The following KLHL29 variants were observed in gnomAD, a reference collection of about 807,000 sequenced individuals.
KLHL29 encodes the protein kelch-like protein 29.
KLHL29 carries 21 observed loss-of-function variants against 80.4 expected under a neutral mutation model. That is an observed-to-expected ratio of 0.26 (90% CI 0.19 to 0.38). The LOEUF is 0.38. Ranked by LOEUF, KLHL29 falls within the 10% of genes least tolerant of loss-of-function variation. KLHL29 has a pLI of 1.00. For synonymous variants in KLHL29, 511 were observed against 526.8 expected (o/e 0.97, Z 0.41); for missense variants, 867 against 1,223.9 (o/e 0.71, Z 4.35).
At chr2:23,580,071 C>T (rs1000827581) in intron 3 of KLHL29, among the ~76,000 whole-genome samples, 2 of 152,312 alleles carry the variant, frequency 1.3e-5, no homozygotes, top group South Asian at 2.1e-4. Context: ...AGAAATTCCA[C>T]GTAAAAAATC....
At chr2:23,501,414 C>T (rs900657852) in intron 2 of KLHL29, among the ~76,000 whole-genome samples, 1 of 152,000 alleles carries the variant, frequency 6.6e-6, no homozygotes, top group Non-Finnish European at 1.5e-5. Flanking sequence ...GGGAGATAGC[C>T]GCGGCCGAGA....
intron 5 of KLHL29, among the ~76,000 whole-genome samples, chr2:23,670,887 G>C (rs1484659974): frequency 5.6e-5 from 8 of 143,848 alleles, no homozygotes; most frequent in Non-Finnish European, 1.1e-4. Context: ...AGTGGGCAGA[G>C]AAGGGAGGGG....
At chr2:23,485,847 G>T (rs929541638) in intron 2 of KLHL29, among the ~76,000 whole-genome samples, 1 of 152,140 alleles carries the variant, frequency 6.6e-6, no homozygotes, top group African/African-American at 2.4e-5. Flanking sequence ...ATTTTCTGGT[G>T]GTTGTAAGGA....
chr2:23,638,880 CAAGG>C (rs988328302), intron 3 of KLHL29, among the ~76,000 whole-genome samples: 18 of 152,270 alleles, frequency 1.2e-4, no homozygotes, highest in African/African-American at 4.1e-4. Context: ...CGGAGGGTGA[CAAGG>C]GAGGCACTGG....
chr2:23,558,939 A>AC (rs1667369658), intron 2 of KLHL29, among the ~76,000 whole-genome samples: 3 of 152,210 alleles, frequency 2.0e-5, no homozygotes, highest in Non-Finnish European at 2.9e-5. Flanking sequence ...GAGAATGAGG[A>AC]CCCAAACCCT....
intron 1 of KLHL29, among the ~76,000 whole-genome samples, chr2:23,407,346 A>C (rs1217167662): frequency 2.0e-5 from 3 of 151,954 alleles, no homozygotes; most frequent in Non-Finnish European, 4.4e-5. Flanking sequence ...TCTGTTAGGT[A>C]GGTGAGTAAT....
chr2:23,533,113 G>A (rs1331369085), intron 2 of KLHL29, among the ~76,000 whole-genome samples: 1 of 152,186 alleles, frequency 6.6e-6, no homozygotes, highest in Non-Finnish European at 1.5e-5. Flanking sequence ...TTTTTCCTGA[G>A]CACGTAAAGT....
At chr2:23,552,845 C>T (rs1329610127) in intron 2 of KLHL29, among the ~76,000 whole-genome samples, 1 of 148,036 alleles carries the variant, frequency 6.8e-6, no homozygotes, top group Non-Finnish European at 1.5e-5. Flanking sequence ...CTGCAACCTC[C>T]GCCTCCCAGG....
intron 3 of KLHL29, among the ~76,000 whole-genome samples, chr2:23,611,135 T>C (rs1196863945): frequency 6.6e-6 from 1 of 152,214 alleles, no homozygotes; most frequent in Admixed American, 6.5e-5. Context: ...TAGTGTCTAA[T>C]AACCATTGTC....
intron 1 of KLHL29, among the ~76,000 whole-genome samples, chr2:23,397,931 C>T (rs1044483511): frequency 1.3e-5 from 2 of 152,190 alleles, no homozygotes; most frequent in African/African-American, 4.8e-5. Context: ...CGTCCATTAA[C>T]GTGACTATAA....
chr2:23,416,129 C>T (rs1284313415), intron 1 of KLHL29, among the ~76,000 whole-genome samples: 1 of 152,064 alleles, frequency 6.6e-6, no homozygotes, highest in Admixed American at 6.6e-5. Flanking sequence ...GATAACATCC[C>T]GAGAGCCTGG....
intron 1 of KLHL29, among the ~76,000 whole-genome samples, chr2:23,420,978 A>T (rs999670528): frequency 5.3e-5 from 8 of 151,982 alleles, no homozygotes; most frequent in African/African-American, 1.9e-4. Flanking sequence ...AGACCTGGCC[A>T]GGCGCCAGGC....
chr2:23,508,505 A>C (rs1361971084), intron 2 of KLHL29, among the ~76,000 whole-genome samples: 1 of 152,262 alleles, frequency 6.6e-6, no homozygotes, highest in Non-Finnish European at 1.5e-5. Flanking sequence ...CCTCAGAAGC[A>C]CACCTGTGCT....
chr2:23,454,436 T>C (rs958291973), intron 1 of KLHL29, among the ~76,000 whole-genome samples: 1 of 152,234 alleles, frequency 6.6e-6, no homozygotes, highest in Non-Finnish European at 1.5e-5. Context: ...ACGAATTTTA[T>C]TTTTATGCTT....
chr2:23,670,917 G>GCGCTCTCTCTCT (rs150131401), intron 5 of KLHL29, among the ~76,000 whole-genome samples: 1 of 18,534 alleles, frequency 5.4e-5, no homozygotes, highest in Non-Finnish European at 1.2e-4. Flanking sequence ...ACATGCACGC[G>GCGCTCTCTCTCT]CTCTCTCTCT....
In KLHL29 at chr2:23,513,379, T is replaced by G. The variant is rs940462724; in HGVS notation, c.-46+37712T>G. ...TACCCATATGGGATCTGAGGCTTCC[T>G]CTGAGCCAGTTTGAAAATGCCTGCC... On this transcript the variant is annotated intron_variant, in intron 2 of 13. Transcript: ENST00000486442. 3.3e-5 allele frequency among the ~76,000 whole-genome samples: 5 copies of G among 152,202 alleles called. No individual in the cohort carries two copies. The South Asian group carries it at 1.0e-3, about 32-fold the overall frequency.
At chr2:23,576,387 A>G (rs1667843568) in intron 3 of KLHL29, among the ~76,000 whole-genome samples, 1 of 152,044 alleles carries the variant, frequency 6.6e-6, no homozygotes, top group South Asian at 2.1e-4. Flanking sequence ...GATGATATTG[A>G]GCAAAATATA....
In KLHL29 at chr2:23,696,311, C is replaced by G; in HGVS notation, c.1925-22C>G. ...CCCCTCCTCACCCCGCCCGCTCTCT[C>G]TGCCTCCCACACTGCCTCCAGGTGG... is the stretch of plus-strand genomic sequence containing the variant. On this transcript the variant is annotated intron_variant, in intron 10 of 13. Coordinates refer to ENST00000486442, the MANE Select transcript of KLHL29 (RefSeq NM_052920.2). This position sits in a 1 kb window ranked among gnomAD's most constrained non-coding sequence, Gnocchi z 5.5. The G allele has an allele frequency of 6.4e-7, 1 of 1,550,432 alleles. No individual in the cohort carries two copies. Among genetic ancestry groups the G allele is most frequent in the Non-Finnish European group, 8.7e-7 (1 of 1,146,210 alleles).
chr2:23,500,319 A>G (rs957316595), intron 2 of KLHL29, among the ~76,000 whole-genome samples: 1 of 152,228 alleles, frequency 6.6e-6, no homozygotes, highest in Admixed American at 6.5e-5. Context: ...CAGGAGTCAG[A>G]ACAAACAGAT....
Sources: gnomAD v4.1 joint callset for allele counts (sites outside exome capture counted in the v4.1 genomes callset) on GRCh38, gnomAD v4.1.1 for gene constraint, Gnocchi (gnomAD v3.1) non-coding constraint, MANE v1.5 for transcripts, NCBI Gene and HGNC (gene_info 2026-07-23, HGNC 2026-07-21) for gene names.